The following LARP4B variants were observed in gnomAD, a reference collection of about 807,000 sequenced individuals.
LARP4B encodes La ribonucleoprotein 4B.
A neutral mutation model predicts 89.8 loss-of-function variants in LARP4B; 12 were observed. That is an observed-to-expected ratio of 0.13 (90% CI 0.09 to 0.22). LARP4B has a LOEUF of 0.22. Ranked by LOEUF, LARP4B falls within the 10% of genes least tolerant of loss-of-function variation. LARP4B has a pLI of 1.00. For synonymous variants in LARP4B, 367 were observed against 363.3 expected (o/e 1.01, Z -0.12); for missense variants, 757 against 947.7 (o/e 0.80, Z 2.64).
intron 5 of LARP4B, among the ~76,000 whole-genome samples, chr10:860,828 A>AT (rs1355313713): frequency 1.3e-5 from 2 of 152,058 alleles, no homozygotes; most frequent in Non-Finnish European, 2.9e-5. Context: ...GAGAAAAAAA[A>AT]TCTACGAAAC....
intron 1 of LARP4B, among the ~76,000 whole-genome samples, chr10:912,729 CA>C (rs770653351): frequency 4.0e-4 from 54 of 135,132 alleles, no homozygotes; most frequent in African/African-American, 8.4e-4. Context: ...AAAAAAAATT[CA>C]AAAAAAAAAA....
At chr10:925,628 G>A (rs1431829558) in intron 1 of LARP4B, among the ~76,000 whole-genome samples, 1 of 152,004 alleles carries the variant, frequency 6.6e-6, no homozygotes, top group Non-Finnish European at 1.5e-5. Context: ...CTGCCTCCCG[G>A]GTTTAAGCAA....
At chr10:954,254 C>T in the LARP4B span, among the ~76,000 whole-genome samples, 2 of 151,956 alleles carry the variant, frequency 1.3e-5, no homozygotes, top group African/African-American at 2.4e-5. This position sits in a 1 kb window ranked among gnomAD's most constrained non-coding sequence, Gnocchi z 5.0. Flanking sequence ...TCCACCAGCC[C>T]GTCTTTTATG....
At position 830,851 on chromosome 10, in the gene LARP4B, G is replaced by A. The variant is rs752332970; in HGVS notation, c.861+16C>T. ...TAAACTATGCAATTCATAGGGTGATGGTGGAAAGAACTTACCTGTTGTGCA... is the reference window on the plus strand; with the variant it reads ...TAAACTATGCAATTCATAGGGTGATAGTGGAAAGAACTTACCTGTTGTGCA... On this transcript the variant is annotated intron_variant, in intron 9 of 17. Transcript: ENST00000316157. The A allele has an allele frequency of 4.7e-6, 5 of 1,058,966 alleles. No individual in the cohort carries two copies. Among genetic ancestry groups the A allele is most frequent in the Non-Finnish European group, 7.3e-6 (5 of 681,792 alleles). 65.6% of individuals were successfully genotyped at this position (1,058,966 alleles called of 1,614,324 possible).
chr10:818,080 C>A lies in LARP4B; in HGVS notation c.1531-191G>T, dbSNP rs143977145. 7.2e-4 allele frequency: 397 copies of A among 548,300 alleles called. 1 individual carries two copies. The highest frequency in any genetic ancestry group is 6.9e-3 in the African/African-American group (366 of 53,048). 34.0% of individuals were successfully genotyped at this position (548,300 alleles called of 1,614,324 possible). On this transcript the variant is annotated intron_variant, in intron 14 of 17. Transcript: ENST00000316157. The stretch of plus-strand genomic sequence containing the variant: ...TAGAGCAGAGCTGTAAAACTGAAAT[C>A]TCAAGGATGCTGCTGCCCAAGAGAT...
Position 913,617 on chromosome 10 carries a change from A to G in LARP4B, c.-40+17811T>C, listed in dbSNP as rs147702752. 2.1e-3 allele frequency among the ~76,000 whole-genome samples: 314 copies of G among 152,368 alleles called. 1 individual carries two copies. Among genetic ancestry groups the G allele is most frequent in the African/African-American group, 7.2e-3 (298 of 41,586 alleles). On this transcript the variant is annotated intron_variant, in intron 1 of 17. Coordinates refer to ENST00000316157, the MANE Select transcript of LARP4B (RefSeq NM_015155.3). ...TTGAGATGATGGCTAACTTTGTTTA[A>G]TGAACTATTCAAGCATAATAACTGT...
At chr10:886,310 C>T (rs1835855587) in intron 1 of LARP4B, among the ~76,000 whole-genome samples, 1 of 152,172 alleles carries the variant, frequency 6.6e-6, no homozygotes, top group South Asian at 2.1e-4. Flanking sequence ...ATCAGTCAGA[C>T]AAGAGATAAC....
At chr10:918,834 T>C (rs1040461180) in intron 1 of LARP4B, among the ~76,000 whole-genome samples, 1 of 152,020 alleles carries the variant, frequency 6.6e-6, no homozygotes, top group African/African-American at 2.4e-5. Context: ...CCCAGCACTT[T>C]GGGAGGCCGA....
At chr10:905,338 GTCC>G (rs1836460581) in intron 1 of LARP4B, among the ~76,000 whole-genome samples, 2 of 152,190 alleles carry the variant, frequency 1.3e-5, no homozygotes. Context: ...TTAATGTGAA[GTCC>G]TCCTTTCTTG....
intron 1 of LARP4B, among the ~76,000 whole-genome samples, chr10:900,360 A>G (rs1444952717): frequency 6.6e-6 from 1 of 151,572 alleles, no homozygotes; most frequent in Non-Finnish European, 1.5e-5. Context: ...AAATAAAAAT[A>G]AAAAAATGAT....
At chr10:915,828 G>A (rs1388860123) in intron 1 of LARP4B, among the ~76,000 whole-genome samples, 5 of 111,122 alleles carry the variant, frequency 4.5e-5, no homozygotes, top group Non-Finnish European at 5.6e-5. Context: ...GCGAGACTCC[G>A]CCTCAAAAAA....
chr10:819,453 A>C (rs1306278295), intron 14 of LARP4B: 1 of 152,246 alleles, frequency 6.6e-6, no homozygotes, highest in Non-Finnish European at 1.5e-5. Context: ...AGGCTCACAC[A>C]CTTTTACAGA....
At chr10:858,311 T>A (rs1276016685) in intron 5 of LARP4B, among the ~76,000 whole-genome samples, 1 of 152,122 alleles carries the variant, frequency 6.6e-6, no homozygotes, top group Non-Finnish European at 1.5e-5. Flanking sequence ...AGGGCAGTCT[T>A]TTCAATAAAT....
chr10:902,330 T>G (rs1487888017), intron 1 of LARP4B, among the ~76,000 whole-genome samples: 2 of 152,216 alleles, frequency 1.3e-5, no homozygotes, highest in Non-Finnish European at 2.9e-5. Flanking sequence ...GCTGCAGCAG[T>G]GCGAATCATG....
chr10:878,359 C>A (rs1428004814), intron 3 of LARP4B, among the ~76,000 whole-genome samples: 2 of 152,182 alleles, frequency 1.3e-5, no homozygotes, highest in Non-Finnish European at 2.9e-5. Flanking sequence ...GTGAGAAGCA[C>A]TGGCTCCATG....
At chr10:979,433 G>C in the LARP4B span, among the ~76,000 whole-genome samples, 3 of 152,166 alleles carry the variant, frequency 2.0e-5, no homozygotes, top group Non-Finnish European at 2.9e-5. Flanking sequence ...TTATAAGGAG[G>C]AGAGACTGCT....
chr10:911,266 CTGA>C (rs1317662247), intron 1 of LARP4B, among the ~76,000 whole-genome samples: 31 of 152,022 alleles, frequency 2.0e-4, no homozygotes, highest in African/African-American at 2.9e-4. Flanking sequence ...GTGCTGAAAT[CTGA>C]TGATAAGATT....
At position 825,843 on chromosome 10, in the gene LARP4B, T is replaced by A; in HGVS notation, c.1153A>T (p.Ile385Leu). Residue 385 changes from isoleucine to leucine, a missense_variant, in exon 12 of 18, where the codon ATA becomes TTA. Transcript: ENST00000316157. The stretch of plus-strand genomic sequence containing the variant: ...AACGCTGGAGACGTAAACCCATTTA[T>A]AAATCCAGTATTTGGAAATGGAGTT... ...LVTPFPNTGF[I>L]NGFTSPAFKP... 6.2e-7 allele frequency: 1 copy of A among 1,612,226 alleles called. No individual in the cohort carries two copies. Among genetic ancestry groups the A allele is most frequent in the Middle Eastern group, 1.7e-4 (1 of 6,056 alleles).
the LARP4B span, among the ~76,000 whole-genome samples, chr10:966,037 G>A: frequency 6.8e-6 from 1 of 147,042 alleles, no homozygotes; most frequent in Non-Finnish European, 1.5e-5. Context: ...TACACAGTGG[G>A]TTCTTGTATG....
Sources: allele counts gnomAD v4.1 joint callset (sites outside exome capture counted in the v4.1 genomes callset), GRCh38; gene constraint gnomAD v4.1.1; non-coding constraint Gnocchi (gnomAD v3.1); transcripts MANE v1.5; gene names NCBI Gene and HGNC (gene_info 2026-07-23, HGNC 2026-07-21).